The following ATP10B variants were observed in gnomAD, a reference collection of about 807,000 sequenced individuals.
ATP10B encodes the protein ATPase phospholipid transporting 10B (putative).
In ATP10B, 122 loss-of-function variants were observed where a neutral mutation model predicts 141.2. The ratio of observed to expected loss-of-function variants is 0.86; its 90% CI spans 0.75 to 1.00. The LOEUF (loss-of-function observed/expected upper bound fraction) is 1.00, where lower values mean the gene tolerates loss of function less well. ATP10B is among the 50% of genes least tolerant of loss of function. The pLI, the probability that ATP10B is intolerant of heterozygous loss-of-function variation, is 0.00. For synonymous variants in ATP10B, 685 were observed against 692.0 expected, an observed-to-expected ratio of 0.99 and a Z score of 0.16; for missense variants, 1,876 against 1,825.3, an observed-to-expected ratio of 1.03 and a Z score of -0.51.
At chr5:160,626,539 G>A (rs148809618) in intron 13 of ATP10B, among the ~76,000 whole-genome samples, 385 of 152,230 alleles carry the variant, frequency 2.5e-3, no homozygotes, top group Middle Eastern at 0.02. Context: ...TAATGTGCTG[G>A]GACTTAAATT....
At chr5:160,613,059 C>G in intron 17 of ATP10B, 134 bp from the exon 18 acceptor site, 1 of 799,406 alleles carries the variant, frequency 1.3e-6, no homozygotes. Flanking sequence ...CAGGATATAA[C>G]AGTGAACTAG....
intron 2 of ATP10B, among the ~76,000 whole-genome samples, chr5:160,737,432 G>C (rs896973119): frequency 6.6e-6 from 1 of 152,086 alleles, no homozygotes; most frequent in Non-Finnish European, 1.5e-5. Flanking sequence ...AGCAATAAAA[G>C]ACATCCAAAC....
intron 1 of ATP10B, among the ~76,000 whole-genome samples, chr5:160,820,143 T>TG (rs1491243294): frequency 8.0e-6 from 1 of 125,694 alleles, no homozygotes; most frequent in South Asian, 2.4e-4. Flanking sequence ...GTGAGATTAA[T>TG]GAAAAAAAAA....
chr5:160,602,980 A>G, intron 20 of ATP10B: 1 of 315,362 alleles, frequency 3.2e-6, no homozygotes, highest in Admixed American at 4.1e-5. Flanking sequence ...ACTGTGGCCC[A>G]GTAAGTGTCA....
At chr5:160,773,207 T>C (rs1770033756) in intron 2 of ATP10B, among the ~76,000 whole-genome samples, 1 of 152,178 alleles carries the variant, frequency 6.6e-6, no homozygotes. Context: ...TTTTGAAAAG[T>C]AGAGAAGCCT....
intron 13 of ATP10B, among the ~76,000 whole-genome samples, chr5:160,631,903 A>C (rs1433259622): frequency 6.6e-6 from 1 of 152,240 alleles, no homozygotes; most frequent in African/African-American, 2.4e-5. Flanking sequence ...GAAGCAAAAA[A>C]GTCTATATGC....
the ATP10B span, among the ~76,000 whole-genome samples, chr5:160,887,932 C>T: frequency 1.3e-5 from 2 of 152,204 alleles, no homozygotes; most frequent in South Asian, 2.1e-4. Flanking sequence ...ATATTGTTTG[C>T]TTACGTTGGG....
intron 1 of ATP10B, among the ~76,000 whole-genome samples, chr5:160,827,231 G>A (rs548798561): frequency 1.7e-4 from 26 of 152,196 alleles, no homozygotes; most frequent in East Asian, 3.9e-4. Context: ...TTTCTCAGCC[G>A]GCCAACACTT....
intron 18 of ATP10B, among the ~76,000 whole-genome samples, chr5:160,610,561 T>C (rs1217015941): frequency 2.0e-5 from 3 of 152,236 alleles, no homozygotes; most frequent in Non-Finnish European, 4.4e-5. Flanking sequence ...TAATTTGTTA[T>C]GTACCAATAG....
chr5:160,691,407 CTT>C (rs977253430), intron 3 of ATP10B, among the ~76,000 whole-genome samples: 3 of 152,046 alleles, frequency 2.0e-5, no homozygotes, highest in Non-Finnish European at 2.9e-5. Flanking sequence ...TTTCTGAACT[CTT>C]TTAAATAAAC....
intron 1 of ATP10B, among the ~76,000 whole-genome samples, chr5:160,840,795 AAG>A (rs768770030): frequency 1.8e-4 from 27 of 152,158 alleles, no homozygotes; most frequent in Admixed American, 4.6e-4. Flanking sequence ...ACAAAAGAAA[AAG>A]AGAGGCAATT....
At chr5:160,856,727 T>A (rs562214418), upstream of ATP10B, among the ~76,000 whole-genome samples, 29 of 151,928 alleles carry the variant, frequency 1.9e-4, no homozygotes, top group East Asian at 5.0e-3. Flanking sequence ...CTCTTGTATT[T>A]CTATTTTACT....
chr5:160,866,188 A>G, the ATP10B span, among the ~76,000 whole-genome samples: 141 of 152,322 alleles, frequency 9.3e-4, no homozygotes, highest in South Asian at 0.018. Context: ...CAACAAGTGA[A>G]GAAAATGTGG....
the ATP10B span, among the ~76,000 whole-genome samples, chr5:160,865,105 C>T: frequency 6.6e-6 from 1 of 151,922 alleles, no homozygotes. Flanking sequence ...AAAAAGAGCC[C>T]ACAGAGCCAA....
intron 2 of ATP10B, among the ~76,000 whole-genome samples, chr5:160,782,980 C>T (rs773342105): frequency 8.5e-5 from 13 of 152,060 alleles, no homozygotes; most frequent in Non-Finnish European, 1.9e-4. Context: ...ATTACATATA[C>T]ACATGTAAGT....
chr5:160,818,454 C>T (rs1421219891), intron 1 of ATP10B, among the ~76,000 whole-genome samples: 2 of 152,148 alleles, frequency 1.3e-5, no homozygotes, highest in African/African-American at 4.8e-5. Context: ...AATGAGATAC[C>T]ATCTCACACC....
intron 2 of ATP10B, 45 bp from the exon 3 acceptor site, chr5:160,717,079 A>T (rs1354188076): frequency 4.1e-6 from 4 of 979,280 alleles, no homozygotes; most frequent in South Asian, 4.7e-5. Flanking sequence ...CTAACAGTTC[A>T]GTTATAAATG....
the ATP10B span, among the ~76,000 whole-genome samples, chr5:160,902,608 G>A: frequency 4.7e-4 from 72 of 152,240 alleles, no homozygotes; most frequent in African/African-American, 1.6e-3. Flanking sequence ...TCATGACAGA[G>A]GAAAAAGGAA....
chr5:160,705,401 T>A (rs1764949494), intron 3 of ATP10B, among the ~76,000 whole-genome samples: 1 of 151,868 alleles, frequency 6.6e-6, no homozygotes, highest in Admixed American at 6.6e-5. Flanking sequence ...TCTTTTGTAT[T>A]TTTTTTTGTA....
Sources: allele counts gnomAD v4.1 joint callset (sites outside exome capture counted in the v4.1 genomes callset), GRCh38; gene constraint gnomAD v4.1.1; transcripts MANE v1.5; gene names NCBI Gene and HGNC (gene_info 2026-07-23, HGNC 2026-07-21).